Variants in USP10 observed in about 807,000 individuals in gnomAD.
USP10 encodes ubiquitin carboxyl-terminal hydrolase 10.
Under a neutral mutation model 84.5 loss-of-function variants are expected in USP10, and 22 were observed. That is an observed-to-expected ratio of 0.26 (90% CI 0.19 to 0.37). The LOEUF is 0.37. USP10 is among the 10% of genes least tolerant of loss of function. The pLI is 1.00. For synonymous variants in USP10, 454 were observed against 387.6 expected, an observed-to-expected ratio of 1.17 and a Z score of -2.01; for missense variants, 1,019 against 998.9, an observed-to-expected ratio of 1.02 and a Z score of -0.27.
At position 84,760,191 on chromosome 16, in the gene USP10, G is replaced by C. The variant is rs116648135; in HGVS notation, c.1470G>C (p.Val490=). ...KPRQALGDKI[V]RDIRPGAAFE... is the part of the protein sequence containing the mutation. ...TTGCAGCTCTTGGAGATAAAATCGT[G>C]AGGGATATTCGCCCTGGAGCTGCCT... The change falls in exon 8 of 14, where the codon GTG becomes GTC. Residue 490 remains valine (V), a synonymous_variant. Coordinates refer to ENST00000219473, the MANE Select transcript of USP10 (RefSeq NM_005153.3). 1.2e-3 allele frequency: 1,955 copies of C among 1,609,394 alleles called. 28 individuals carry two copies. The African/African-American group carries it at 0.024, about 19-fold the overall frequency.
chr16:84,748,764 A>G (rs1203351853), intron 4 of USP10, among the ~76,000 whole-genome samples: 2 of 152,210 alleles, frequency 1.3e-5, no homozygotes, highest in Non-Finnish European at 2.9e-5. Context: ...AGTTTGATAA[A>G]TAGTTTGTTA....
chr16:84,740,444 A>C, intron 3 of USP10, 75 bp downstream of exon 3: 1 of 1,180,180 alleles, frequency 8.5e-7, no homozygotes, highest in African/African-American at 1.5e-5. Context: ...ACCTGTAAAC[A>C]TTGTTTCCCA....
At chr16:84,735,238 G>GT in intron 2 of USP10, among the ~76,000 whole-genome samples, 1 of 134,756 alleles carries the variant, frequency 7.4e-6, no homozygotes, top group African/African-American at 2.7e-5. Flanking sequence ...TGTGTGTGTG[G>GT]TGTGTGTGTT....
intron 1 of USP10, among the ~76,000 whole-genome samples, chr16:84,731,901 A>G (rs978622294): frequency 6.6e-6 from 1 of 152,128 alleles, no homozygotes; most frequent in Admixed American, 6.5e-5. Context: ...GTTGGTGATG[A>G]GAAGAAGGTG....
chr16:84,724,084 G>C (rs8050833), intron 1 of USP10, among the ~76,000 whole-genome samples: 106,646 of 152,156 alleles, frequency 0.7, 38,800 homozygotes, highest in East Asian at 0.95. Flanking sequence ...TTTATCTGCT[G>C]TGTTTCATAC....
chr16:84,760,066 C>T (rs1459980959), intron 7 of USP10, 106 bp from the exon 8 acceptor site: 1 of 1,514,182 alleles, frequency 6.6e-7, no homozygotes, highest in Non-Finnish European at 9.1e-7. Flanking sequence ...ATGCCATTCT[C>T]AACATTCAGC....
At chr16:84,758,101 G>A (rs575243127) in intron 4 of USP10, among the ~76,000 whole-genome samples, 14 of 152,330 alleles carry the variant, frequency 9.2e-5, no homozygotes, top group South Asian at 2.1e-4. Context: ...GCTGAGCAGC[G>A]TGTTTGTAAA....
intron 4 of USP10, among the ~76,000 whole-genome samples, chr16:84,746,709 C>G (rs1911267679): frequency 6.6e-6 from 1 of 152,160 alleles, no homozygotes. Context: ...CAGTACTGAG[C>G]AAAGCCGAGT....
chr16:84,741,815 G>A (rs952374501), intron 3 of USP10, among the ~76,000 whole-genome samples: 2 of 152,166 alleles, frequency 1.3e-5, no homozygotes, highest in Non-Finnish European at 2.9e-5. Context: ...ACTGTACAGA[G>A]CCTGTGGGCA....
chr16:84,763,182 G>C (rs1913409535), intron 9 of USP10, 94 bp downstream of exon 9: 1 of 663,060 alleles, frequency 1.5e-6, no homozygotes, highest in Non-Finnish European at 2.6e-6. Flanking sequence ...CTGCCCCTCA[G>C]TCGTTTTCCT....
At chr16:84,713,378 C>T (rs1469730378) in intron 1 of USP10, among the ~76,000 whole-genome samples, 2 of 152,064 alleles carry the variant, frequency 1.3e-5, no homozygotes, top group Non-Finnish European at 2.9e-5. Context: ...CTTTACCCAC[C>T]TTTAAAATTG....
chr16:84,764,092 C>G lies in USP10; in HGVS notation c.1661C>G (p.Thr554Arg), dbSNP rs370050970. Residue 554 changes from threonine to arginine, a missense_variant, in exon 10 of 14, where the codon ACG becomes AGG. Thr to Arg is a moderately conservative substitution (Grantham distance 71, BLOSUM62 -1). This residue lies in a region of USP10 where 787 missense variants were observed against 708.8 expected (regional missense o/e 1.11). Transcript: ENST00000219473. ...KLLSPSNEKL[T>R]ISNGPKNHSV... is the part of the protein sequence containing the mutation. Reference sequence around the variant, plus strand: ...CAGATGCTCTCCTTTTCAGAACTTACGATTTCCAACGGCCCCAAAAACCAC... The same window carrying G: ...CAGATGCTCTCCTTTTCAGAACTTAGGATTTCCAACGGCCCCAAAAACCAC... 1.5e-5 allele frequency: 24 copies of G among 1,612,102 alleles called. No individual in the cohort carries two copies. Among genetic ancestry groups the G allele is most frequent in the Admixed American group, 1.0e-4 (6 of 59,582 alleles).
At chr16:84,775,264 A>T (rs767572484) in intron 13 of USP10, 39 bp downstream of exon 13, 1 of 1,593,226 alleles carries the variant, frequency 6.3e-7, no homozygotes. Flanking sequence ...TCATTAAAAC[A>T]CTGATGAAGG....
chr16:84,742,095 G>A (rs901378436), intron 3 of USP10, among the ~76,000 whole-genome samples: 1 of 151,982 alleles, frequency 6.6e-6, no homozygotes, highest in African/African-American at 2.4e-5. Context: ...TTTAATTTTT[G>A]TAGGTACATA....
intron 2 of USP10, among the ~76,000 whole-genome samples, chr16:84,736,470 G>A (rs578183104): frequency 6.6e-6 from 1 of 152,322 alleles, no homozygotes; most frequent in South Asian, 2.1e-4. Flanking sequence ...ACGAATTCAG[G>A]TGAAAGGTAG....
intron 1 of USP10, chr16:84,732,539 C>G (rs1158479298): frequency 1.3e-5 from 5 of 370,710 alleles, no homozygotes; most frequent in South Asian, 5.5e-5. Context: ...CTCGGCCTCC[C>G]TGGTTCAAGC....
chr16:84,745,819 C>G, intron 4 of USP10, 146 bp downstream of exon 4: 1 of 867,420 alleles, frequency 1.2e-6, no homozygotes, highest in Non-Finnish European at 1.7e-6. Flanking sequence ...CTTAAATGTT[C>G]TCTAAAAGTA....
At chr16:84,734,990 AC>A (rs1478106225) in intron 2 of USP10, among the ~76,000 whole-genome samples, 1 of 151,886 alleles carries the variant, frequency 6.6e-6, no homozygotes, top group Non-Finnish European at 1.5e-5. Flanking sequence ...CTCTGTATAA[AC>A]ACCACACGTT....
At chr16:84,741,190 C>T (rs1307391364) in intron 3 of USP10, among the ~76,000 whole-genome samples, 1 of 152,208 alleles carries the variant, frequency 6.6e-6, no homozygotes, top group Non-Finnish European at 1.5e-5. Flanking sequence ...CTTGAAAAGA[C>T]TAACCAAACG....
Sources: gnomAD v4.1 joint callset for allele counts (sites outside exome capture counted in the v4.1 genomes callset) on GRCh38, gnomAD v4.1.1 for gene constraint, gnomAD v4.1.1 regional missense constraint, MANE v1.5 for transcripts, NCBI Gene and HGNC (gene_info 2026-07-23, HGNC 2026-07-21) for gene names.